HPS3: variants seen among roughly 807,000 people sequenced by gnomAD.
The protein encoded by HPS3 is BLOC-2 complex member HPS3.
HPS3 carries 79 observed loss-of-function variants against 110.9 expected under a neutral mutation model. That is an observed-to-expected ratio of 0.71 (90% CI 0.59 to 0.86). The LOEUF (loss-of-function observed/expected upper bound fraction) is 0.86. Ranked by LOEUF, HPS3 falls within the 40% of genes least tolerant of loss-of-function variation. The probability of loss-of-function intolerance (pLI) is 0.00; values close to 1 mark genes in which losing one functional copy is unlikely to be tolerated. For synonymous variants in HPS3, 428 were observed against 451.0 expected, an observed-to-expected ratio of 0.95 and a Z score of 0.65; for missense variants, 1,197 against 1,206.2, an observed-to-expected ratio of 0.99 and a Z score of 0.11.
chr3:149,147,579 A>G (rs1722851092), intron 5 of HPS3, among the ~76,000 whole-genome samples: 1 of 152,202 alleles, frequency 6.6e-6, no homozygotes, highest in African/African-American at 2.4e-5. Flanking sequence ...CTGATTGCAT[A>G]TACTTGAAGT....
chr3:149,158,757 G>T lies in HPS3; in HGVS notation c.1783G>T (p.Val595Leu). ...AGTTCTGGCCCGCACGGACTGGACA[G>T]TAGAGGATGGATTACAGAAATACGA... ...AEVLARTDWT[V>L]EDGLQKYERG... The change falls in exon 10 of 17, where the codon GTA becomes TTA. Residue 595 changes from valine (V) to leucine (L), a missense_variant. Physicochemically the swap from Val to Leu is conservative, Grantham distance 32. Transcript: ENST00000296051. 1 of 1,612,212 alleles carries T rather than the reference G, an allele frequency of 6.2e-7. No homozygotes were observed. The highest frequency in any genetic ancestry group is 8.5e-7 in the Non-Finnish European group (1 of 1,178,314).
chr3:149,152,962 T>A (rs536985576), intron 6 of HPS3, among the ~76,000 whole-genome samples: 33 of 152,334 alleles, frequency 2.2e-4, no homozygotes, highest in African/African-American at 7.5e-4. Flanking sequence ...CCTAACAGAC[T>A]AACAGTCAGG....
At chr3:149,141,774 A>G (rs1005573872) in intron 4 of HPS3, among the ~76,000 whole-genome samples, 1 of 151,498 alleles carries the variant, frequency 6.6e-6, no homozygotes, top group Non-Finnish European at 1.5e-5. Flanking sequence ...TGACTTTGTG[A>G]TCTGCCTGTG....
rs146372980 is a variant in HPS3, at chr3:149,147,404, A to G, written c.1163+1858A>G. On this transcript the variant is annotated intron_variant, in intron 5 of 16. Coordinates refer to ENST00000296051, the MANE Select transcript of HPS3 (RefSeq NM_032383.5). ...TTATTAAAGAATTAAACTCTGGTGA[A>G]GGTCTTGCTCAGCAAGCAAGAGGAG... 9.5e-3 allele frequency among the ~76,000 whole-genome samples: 1,440 copies of G among 152,336 alleles called. 7 individuals carry two copies. The highest frequency in any genetic ancestry group is 0.033 in the African/African-American group (1,383 of 41,574).
chr3:149,152,331 T>A (rs1723178114), intron 6 of HPS3, among the ~76,000 whole-genome samples: 1 of 152,132 alleles, frequency 6.6e-6, no homozygotes, highest in Non-Finnish European at 1.5e-5. Flanking sequence ...TAGATTGAAG[T>A]AGGATCAATG....
Position 149,129,672 on chromosome 3 carries a change from C to G in HPS3, c.-52C>G. On this transcript the variant is annotated 5_prime_UTR_variant, in exon 1 of 17. Coordinates refer to ENST00000296051, the MANE Select transcript of HPS3 (RefSeq NM_032383.5). ...CCTACATTCGCGGTCAGCGCGGGGT[C>G]TCCGGGCGCCCTGCAGGGCGGGCAG... is the stretch of plus-strand genomic sequence containing the variant. 7.2e-7 allele frequency: 1 copy of G among 1,394,518 alleles called. No individual in the cohort carries two copies. Among genetic ancestry groups the G allele is most frequent in the Middle Eastern group, 2.6e-4 (1 of 3,910 alleles). 86.4% of individuals were successfully genotyped at this position (1,394,518 alleles called of 1,614,324 possible). A position where few individuals can be genotyped will look rare whatever the true frequency, so the allele number is the denominator to read the frequency against.
rs980882101 is a variant in HPS3, at chr3:149,172,649, ATCT to A, written c.*432_*434del. 15 of 153,648 alleles carry A rather than the reference ATCT, an allele frequency of 9.8e-5. No homozygotes were observed. Among genetic ancestry groups the A allele is most frequent in the African/African-American group, 3.1e-4 (13 of 41,450 alleles). 9.5% of individuals were successfully genotyped at this position (153,648 alleles called of 1,614,324 possible). A position where few individuals can be genotyped will look rare whatever the true frequency, so the allele number is the denominator to read the frequency against. ...ATGTCACTAACTGGTCCAGAATTTTATCTTCTTGATTTTTCCAGATTTCTCTAT... is the reference window on the plus strand; with the variant it reads ...ATGTCACTAACTGGTCCAGAATTTTATCTTGATTTTTCCAGATTTCTCTAT... On this transcript the variant is annotated 3_prime_UTR_variant, in exon 17 of 17. Transcript: ENST00000296051.
chr3:149,150,781 G>A (rs994645383), intron 6 of HPS3, 101 bp downstream of exon 6: 1 of 922,702 alleles, frequency 1.1e-6, no homozygotes, highest in Non-Finnish European at 1.8e-6. Context: ...AAGAACAAAA[G>A]AGCTTAAGGT....
intron 5 of HPS3, among the ~76,000 whole-genome samples, chr3:149,145,990 T>A (rs1407973147): frequency 6.6e-6 from 1 of 152,226 alleles, no homozygotes; most frequent in Admixed American, 6.5e-5. Flanking sequence ...TCTCCTTGAT[T>A]GGCACAGATA....
At chr3:149,130,148 C>T in intron 1 of HPS3, 1 of 582,952 alleles carries the variant, frequency 1.7e-6, no homozygotes, top group African/African-American at 1.9e-5. Flanking sequence ...TATGAGCTTG[C>T]TTCTGTCGGG....
chr3:149,151,587 TAAA>T (rs1167453087), intron 6 of HPS3, among the ~76,000 whole-genome samples: 634 of 40,328 alleles, frequency 0.016, 16 homozygotes, highest in African/African-American at 0.047. Flanking sequence ...GCTTGGTTTC[TAAA>T]AAAAAAAAAA....
At chr3:149,160,714 G>A (rs948572084) in intron 11 of HPS3, among the ~76,000 whole-genome samples, 1 of 152,188 alleles carries the variant, frequency 6.6e-6, no homozygotes, top group Non-Finnish European at 1.5e-5. Context: ...AGATTAAGAG[G>A]ATTGGACATT....
chr3:149,162,004 C>A, intron 11 of HPS3, 144 bp from the exon 12 acceptor site: 2 of 697,344 alleles, frequency 2.9e-6, no homozygotes, highest in Non-Finnish European at 5.0e-6. Context: ...TAAGAACTAG[C>A]CTTTATAGTC....
In HPS3 at chr3:149,169,918, A is replaced by G. The variant is rs189306864; in HGVS notation, c.2887+1935A>G. Among the ~76,000 whole-genome samples, 71 of 152,360 alleles carry G rather than the reference A, an allele frequency of 4.7e-4. 3 individuals carry two copies. The highest frequency in any genetic ancestry group is 1.3e-4 in the Non-Finnish European group (9 of 68,034). On this transcript the variant is annotated intron_variant, in intron 16 of 16. Coordinates refer to ENST00000296051, the MANE Select transcript of HPS3 (RefSeq NM_032383.5). ...AGACATGCTGGAAGATTTTAAGGGT[A>G]CAGGTTTACATTTAGATATATCATT...
chr3:149,166,293 T>C (rs1724406707), intron 14 of HPS3, among the ~76,000 whole-genome samples: 1 of 152,218 alleles, frequency 6.6e-6, no homozygotes, highest in Non-Finnish European at 1.5e-5. Flanking sequence ...TTTAGTCTTA[T>C]TAAGTGTTAA....
At chr3:149,141,417 A>G (rs772162331) in intron 4 of HPS3, 37 bp downstream of exon 4, 2 of 1,523,050 alleles carry the variant, frequency 1.3e-6, no homozygotes, top group Non-Finnish European at 1.8e-6. Context: ...CAGTGCAGCA[A>G]GGTGAAAATG....
intron 5 of HPS3, 53 bp from the exon 6 acceptor site, chr3:149,150,546 G>A (rs1277195231): frequency 2.1e-6 from 3 of 1,411,404 alleles, no homozygotes; most frequent in East Asian, 2.3e-5. Flanking sequence ...CCTGCTGTGG[G>A]TATGTTGGTT....
chr3:149,144,460 A>T (rs1722670443), intron 4 of HPS3, among the ~76,000 whole-genome samples: 1 of 152,234 alleles, frequency 6.6e-6, no homozygotes, highest in Non-Finnish European at 1.5e-5. Flanking sequence ...ATTGACTAAA[A>T]AACTTCTGTA....
intron 4 of HPS3, among the ~76,000 whole-genome samples, chr3:149,142,967 G>A (rs1559910848): frequency 6.6e-6 from 1 of 152,136 alleles, no homozygotes; most frequent in Non-Finnish European, 1.5e-5. Context: ...TGCAGGGGAG[G>A]GGAAGAGAGC....
Sources: allele counts gnomAD v4.1 joint callset (sites outside exome capture counted in the v4.1 genomes callset), GRCh38; gene constraint gnomAD v4.1.1; transcripts MANE v1.5; gene names NCBI Gene and HGNC (gene_info 2026-07-23, HGNC 2026-07-21).